The following FEZ2 variants were observed in gnomAD, a reference collection of about 807,000 sequenced individuals.
FEZ2 encodes fasciculation and elongation protein zeta 2.
A neutral mutation model predicts 40.4 loss-of-function variants in FEZ2; 51 were observed. The ratio of observed to expected loss-of-function variants is 1.26; its 90% confidence interval spans 1.01 to 1.59. The LOEUF is 1.59. Among genes scored for constraint, FEZ2 ranks in the 40% most tolerant of loss-of-function variants. The pLI is 0.00. For synonymous variants in FEZ2, 242 were observed against 172.0 expected (o/e 1.41, Z -3.18); for missense variants, 640 against 438.3 (o/e 1.46, Z -4.11).
chr2:36,578,600 G>A lies in FEZ2; in HGVS notation c.900C>T (p.Gly300=). ...NGKNERSHMP[G]TYLTTVIPYE... ...CCTCCTGCAAAACATCACTTACTGT[G>A]CCGGGCATATGACTTCTCTCATTCT... The change falls in exon 5 of 8, where the codon GGC becomes GGT. Residue 300 remains glycine, a synonymous_variant. Coordinates refer to ENST00000405912, the MANE Select transcript of FEZ2 (RefSeq NM_005102.3). 3 of 1,611,396 alleles carry A rather than the reference G, an allele frequency of 1.9e-6. No homozygotes were observed. Among genetic ancestry groups the A allele is most frequent in the Non-Finnish European group, 2.5e-6 (3 of 1,179,120 alleles).
In FEZ2 at chr2:36,553,167, G is replaced by C. The variant is rs751590792; in HGVS notation, c.1058C>G (p.Thr353Arg). The change falls in exon 8 of 8, where the codon ACA becomes AGA. Residue 353 changes from threonine (T) to arginine (R), a missense_variant. Coordinates refer to ENST00000405912, the MANE Select transcript of FEZ2 (RefSeq NM_005102.3). ...TDYILKVLCPT is the reference protein window; with the variant it reads ...TDYILKVLCPR ...ACCGCAGATAAAGTTGCTGCTCTAT[G>C]TAGGACACAGAACTAGAAGAAAAAG... 1.2e-5 allele frequency: 18 copies of C among 1,564,602 alleles called. No homozygotes were observed. Among genetic ancestry groups the C allele is most frequent in the Non-Finnish European group, 1.6e-5 (18 of 1,152,624 alleles).
chr2:36,553,022 A>G lies in FEZ2; in HGVS notation c.*141T>C. ...GTTCTATAATATAAAGAATTAGTGTAGTCAAGATCTGTTAATACTGAATCA... is the reference window on the plus strand; with the variant it reads ...GTTCTATAATATAAAGAATTAGTGTGGTCAAGATCTGTTAATACTGAATCA... On this transcript the variant is annotated 3_prime_UTR_variant, in exon 8 of 8. Coordinates refer to ENST00000405912, the MANE Select transcript of FEZ2 (RefSeq NM_005102.3). The G allele has an allele frequency of 3.1e-6, 2 of 647,054 alleles. 1 individual carries two copies. Among genetic ancestry groups the G allele is most frequent in the South Asian group, 4.0e-5 (2 of 50,218 alleles). 40.1% of individuals were successfully genotyped at this position (647,054 alleles called of 1,614,324 possible). A position where few individuals can be genotyped will look rare whatever the true frequency, so the allele number is the denominator to read the frequency against.
In FEZ2 at chr2:36,581,526, T is replaced by C. The variant is rs181935628; in HGVS notation, c.493-95A>G. ...TCACCTAAGGCACCCAGAGCAGAAATGCACTGAATTCTCCATTAACCAATG... is the reference window on the plus strand; with the variant it reads ...TCACCTAAGGCACCCAGAGCAGAAACGCACTGAATTCTCCATTAACCAATG... On this transcript the variant is annotated intron_variant, in intron 3 of 7. Transcript: ENST00000405912. 1.6e-3 allele frequency: 1,673 copies of C among 1,064,020 alleles called. 9 individuals carry two copies. Among genetic ancestry groups the C allele is most frequent in the Middle Eastern group, 6.2e-3 (30 of 4,836 alleles). 65.9% of individuals were successfully genotyped at this position (1,064,020 alleles called of 1,614,324 possible).
chr2:36,572,264 C>G (rs1668440494), intron 5 of FEZ2, among the ~76,000 whole-genome samples: 1 of 152,138 alleles, frequency 6.6e-6, no homozygotes, highest in East Asian at 1.9e-4. Context: ...CCACACGTAG[C>G]TTGGAGATTG....
intron 5 of FEZ2, among the ~76,000 whole-genome samples, chr2:36,567,114 C>T (rs976764735): frequency 6.6e-6 from 1 of 152,082 alleles, no homozygotes; most frequent in Non-Finnish European, 1.5e-5. Flanking sequence ...TTTCCATCCC[C>T]GCAGCTTGCA....
chr2:36,578,479 A>C (rs568871972), intron 5 of FEZ2, 118 bp downstream of exon 5: 2 of 1,039,248 alleles, frequency 1.9e-6, no homozygotes, highest in Non-Finnish European at 2.9e-6. Flanking sequence ...GGCTCTGATT[A>C]GAAGTGTTAA....
At chr2:36,571,498 T>C (rs928921377) in intron 5 of FEZ2, among the ~76,000 whole-genome samples, 4 of 151,028 alleles carry the variant, frequency 2.6e-5, no homozygotes, top group Non-Finnish European at 4.4e-5. Context: ...CCATCTCTAC[T>C]AAAAAAAATT....
chr2:36,553,345 C>T (rs955714577), intron 7 of FEZ2, among the ~76,000 whole-genome samples, 166 bp from the exon 8 acceptor site: 2 of 152,290 alleles, frequency 1.3e-5, no homozygotes, highest in African/African-American at 4.8e-5. Flanking sequence ...CTATACCCAA[C>T]AAGGATGAGT....
At chr2:36,558,220 G>C (rs1668002440) in intron 6 of FEZ2, 1 of 341,670 alleles carries the variant, frequency 2.9e-6, no homozygotes, top group African/African-American at 2.1e-5. Flanking sequence ...ATTTCACAAG[G>C]TAAGAAAAAC....
At chr2:36,586,569 G>A (rs1213911655) in intron 2 of FEZ2, among the ~76,000 whole-genome samples, 3 of 151,510 alleles carry the variant, frequency 2.0e-5, no homozygotes, top group Non-Finnish European at 2.9e-5. Flanking sequence ...GGAGGTTGCA[G>A]TGAGCCAAGA....
intron 5 of FEZ2, among the ~76,000 whole-genome samples, chr2:36,572,439 T>C (rs759440051): frequency 6.6e-6 from 1 of 152,250 alleles, no homozygotes; most frequent in African/African-American, 2.4e-5. Context: ...CTGGAGTTCA[T>C]AACTTTTTGT....
rs745923284 is a variant in FEZ2 at position 36,552,705 on chromosome 2, T to C, written c.*458A>G. ...CCCGTTTATTCTGTTTCAATCTCTC[T>C]GAACAATACTGGTAGGTAATAGTTA... is the stretch of plus-strand genomic sequence containing the variant. On this transcript the variant is annotated 3_prime_UTR_variant, in exon 8 of 8. Coordinates refer to ENST00000405912, the MANE Select transcript of FEZ2 (RefSeq NM_005102.3). 47 of 198,594 alleles carry C rather than the reference T, an allele frequency of 2.4e-4. No individual in the cohort carries two copies. Among genetic ancestry groups the C allele is most frequent in the Middle Eastern group, 2.3e-3 (1 of 432 alleles). 12.3% of individuals were successfully genotyped at this position (198,594 alleles called of 1,614,324 possible). A position where few individuals can be genotyped will look rare whatever the true frequency, so the allele number is the denominator to read the frequency against.
intron 5 of FEZ2, among the ~76,000 whole-genome samples, chr2:36,568,730 G>A (rs569331335): frequency 3.1e-4 from 47 of 152,278 alleles, no homozygotes; most frequent in African/African-American, 8.9e-4. Context: ...TGGCAAGGAC[G>A]GAGGAAGAGG....
intron 5 of FEZ2, among the ~76,000 whole-genome samples, chr2:36,566,956 A>ACACT (rs546695037): frequency 5.3e-5 from 8 of 150,462 alleles, no homozygotes; most frequent in South Asian, 4.2e-4. Context: ...ACACACACAC[A>ACACT]CTCTCTCTCT....
Position 36,578,752 on chromosome 2 carries a change from C to G in FEZ2, c.748G>C (p.Glu250Gln). ...VQQLALRDEL[E>Q]FEKEVKNSFI... ...CTGTTTTTCACTTCCTTTTCAAACT[C>G]CAGTTCATCTCGTAAAGCCAACTGC... Residue 250 changes from glutamate (E) to glutamine (Q), a missense_variant, in exon 5 of 8, where the codon GAG becomes CAG. Coordinates refer to ENST00000405912, the MANE Select transcript of FEZ2 (RefSeq NM_005102.3). The G allele has an allele frequency of 1.2e-6, 2 of 1,613,994 alleles. No homozygotes were observed. Among genetic ancestry groups the G allele is most frequent in the Non-Finnish European group, 1.7e-6 (2 of 1,179,874 alleles).
At chr2:36,566,045 T>C (rs1000105948) in intron 5 of FEZ2, among the ~76,000 whole-genome samples, 3 of 152,202 alleles carry the variant, frequency 2.0e-5, no homozygotes, top group Admixed American at 2.0e-4. Context: ...AAAACTGAAA[T>C]TGGTTCTACA....
chr2:36,557,832 T>C (rs1160954548), intron 6 of FEZ2: 4 of 152,192 alleles, frequency 2.6e-5, no homozygotes, highest in Admixed American at 6.5e-5. Flanking sequence ...ATCATGTATA[T>C]TTAAATCTAA....
In FEZ2 at chr2:36,552,439, C is replaced by G. The variant is rs947474547; in HGVS notation, c.*724G>C. 10 of 334,188 alleles carry G rather than the reference C, an allele frequency of 3.0e-5. No homozygotes were observed. The highest frequency in any genetic ancestry group is 5.8e-5 in the Non-Finnish European group (10 of 173,606). 20.7% of individuals were successfully genotyped at this position (334,188 alleles called of 1,614,324 possible). On this transcript the variant is annotated 3_prime_UTR_variant, in exon 8 of 8. Transcript: ENST00000405912. ...GGCAGTTCTGCAGTGTACACTTTCT[C>G]AAGCACCTCAGAGGACACACACTTA... is the stretch of plus-strand genomic sequence containing the variant.
At chr2:36,569,442 A>ATGTTGTTTTCAGTC (rs1271515841) in intron 5 of FEZ2, among the ~76,000 whole-genome samples, 11 of 152,358 alleles carry the variant, frequency 7.2e-5, no homozygotes, top group African/African-American at 2.4e-4. Flanking sequence ...AAGAGACATT[A>ATGTTGTTTTCAGTC]CTATCTATGA....
Sources: gnomAD v4.1 joint callset for allele counts (sites outside exome capture counted in the v4.1 genomes callset) on GRCh38, gnomAD v4.1.1 for gene constraint, MANE v1.5 for transcripts, NCBI Gene and HGNC (gene_info 2026-07-23, HGNC 2026-07-21) for gene names.